Variants in PHACTR3 observed in about 807,000 individuals in gnomAD.
PHACTR3 encodes protein phosphatase 1, regulatory subunit 123.
In PHACTR3, 16 loss-of-function variants were observed where a neutral mutation model predicts 66.8. That is an observed-to-expected ratio of 0.24 (90% CI 0.16 to 0.36). The LOEUF (loss-of-function observed/expected upper bound fraction) is 0.36. Among genes scored for constraint, PHACTR3 ranks in the 10% least tolerant of loss-of-function variants. The probability of loss-of-function intolerance (pLI) is 1.00; values close to 1 mark genes in which losing one functional copy is unlikely to be tolerated. For synonymous variants in PHACTR3, 323 were observed against 292.1 expected, an observed-to-expected ratio of 1.11 and a Z score of -1.08; for missense variants, 647 against 719.9, an observed-to-expected ratio of 0.90 and a Z score of 1.16.
intron 4 of PHACTR3, among the ~76,000 whole-genome samples, chr20:59,759,979 C>T (rs1167313779): frequency 6.6e-6 from 1 of 152,134 alleles, no homozygotes; most frequent in Non-Finnish European, 1.5e-5. Context: ...GCAGGAGCCC[C>T]TGGGGTGTCT....
chr20:59,586,546 T>C (rs2033034904), intron 1 of PHACTR3, among the ~76,000 whole-genome samples: 1 of 152,210 alleles, frequency 6.6e-6, no homozygotes, highest in Non-Finnish European at 1.5e-5. Flanking sequence ...TACTGTTTGG[T>C]TAAACATTGG....
At chr20:59,703,009 C>T (rs1302051385) in intron 1 of PHACTR3, among the ~76,000 whole-genome samples, 1 of 152,172 alleles carries the variant, frequency 6.6e-6, no homozygotes, top group African/African-American at 2.4e-5. Flanking sequence ...CAAAGAGATC[C>T]TCTTTTAAAT....
intron 3 of PHACTR3, among the ~76,000 whole-genome samples, chr20:59,753,410 T>C (rs939318487): frequency 1.3e-5 from 2 of 152,152 alleles, no homozygotes; most frequent in African/African-American, 4.8e-5. Context: ...CTCAAATCTC[T>C]TCCAGGGTCC....
intron 1 of PHACTR3, among the ~76,000 whole-genome samples, chr20:59,710,267 C>A (rs1314656603): frequency 6.6e-6 from 1 of 152,166 alleles, no homozygotes; most frequent in African/African-American, 2.4e-5. Flanking sequence ...CTCATTTACT[C>A]ATCCCATTCT....
chr20:59,653,895 C>G (rs553558607), intron 1 of PHACTR3, among the ~76,000 whole-genome samples: 1 of 152,294 alleles, frequency 6.6e-6, no homozygotes, highest in African/African-American at 2.4e-5. Context: ...ACGCTTTCTA[C>G]ACCCAGATTT....
intron 1 of PHACTR3, among the ~76,000 whole-genome samples, chr20:59,671,558 C>A (rs553827692): frequency 2.0e-5 from 3 of 152,378 alleles, no homozygotes; most frequent in Admixed American, 2.0e-4. Context: ...ATTGAACCAA[C>A]ATTTAAATGT....
chr20:59,684,824 TGAAA>T (rs1298942476), intron 1 of PHACTR3, among the ~76,000 whole-genome samples: 1 of 152,204 alleles, frequency 6.6e-6, no homozygotes, highest in African/African-American at 2.4e-5. Flanking sequence ...GTTGTGAGGA[TGAAA>T]GAATCTGCTG....
chr20:59,808,137 G>A (rs2041624836), intron 8 of PHACTR3, among the ~76,000 whole-genome samples: 1 of 152,206 alleles, frequency 6.6e-6, no homozygotes, highest in African/African-American at 2.4e-5. Context: ...TGAGCCGGGT[G>A]GAGCTGACTT....
chr20:59,817,627 G>A (rs2041923228), intron 8 of PHACTR3, among the ~76,000 whole-genome samples: 1 of 152,244 alleles, frequency 6.6e-6, no homozygotes, highest in Non-Finnish European at 1.5e-5. Context: ...GGCCAGGCAG[G>A]GCTGTGGCAT....
intron 1 of PHACTR3, among the ~76,000 whole-genome samples, chr20:59,652,912 ATG>A (rs574491868): frequency 3.5e-4 from 54 of 152,210 alleles, no homozygotes; most frequent in African/African-American, 1.3e-3. Context: ...GTGCATTTTC[ATG>A]TGTGTGTGTA....
At chr20:59,613,613 G>A (rs2033931682) in intron 1 of PHACTR3, among the ~76,000 whole-genome samples, 2 of 152,204 alleles carry the variant, frequency 1.3e-5, no homozygotes, top group African/African-American at 4.8e-5. Context: ...GAAGGGGAGG[G>A]TGAGAATGAC....
At chr20:59,606,459 T>TA (rs1215066698) in intron 1 of PHACTR3, among the ~76,000 whole-genome samples, 5 of 152,124 alleles carry the variant, frequency 3.3e-5, no homozygotes, top group Admixed American at 2.6e-4. Context: ...TTAATTTCCT[T>TA]AGAGTTTCAA....
At chr20:59,831,919 T>G (rs1328827487) in intron 8 of PHACTR3, among the ~76,000 whole-genome samples, 3 of 152,196 alleles carry the variant, frequency 2.0e-5, no homozygotes, top group South Asian at 2.1e-4. Flanking sequence ...TTCCTGGCCA[T>G]GGTTCTGCCT....
At position 59,791,178 on chromosome 20, in the gene PHACTR3, C is replaced by T. The variant is rs373181649; in HGVS notation, c.1175-14863C>T. On this transcript the variant is annotated intron_variant, in intron 7 of 12. Coordinates refer to ENST00000371015, the MANE Select transcript of PHACTR3 (RefSeq NM_080672.5). ...AAAGGTGATTGGGCCATGAGAGCTC[C>T]GCCATCATGGATGGGATTAATGCTG... is the stretch of plus-strand genomic sequence containing the variant. Among the ~76,000 whole-genome samples the T allele has an allele frequency of 2.6e-4, 40 of 152,226 alleles. No individual in the cohort carries two copies. In the South Asian group the frequency reaches 8.1e-3, roughly 31 times the overall value.
chr20:59,622,885 G>A (rs1384321331), intron 1 of PHACTR3, among the ~76,000 whole-genome samples: 4 of 149,330 alleles, frequency 2.7e-5, no homozygotes, highest in African/African-American at 1.0e-4. Flanking sequence ...GGCTTATCCT[G>A]TTGGAGCAAA....
intron 7 of PHACTR3, among the ~76,000 whole-genome samples, chr20:59,802,000 C>T (rs2146985767): frequency 6.6e-6 from 1 of 152,270 alleles, no homozygotes; most frequent in East Asian, 1.9e-4. Flanking sequence ...TGAGCAGAGC[C>T]ACGAATGTCA....
At chr20:59,626,446 T>G (rs1274440261) in intron 1 of PHACTR3, 2 of 152,288 alleles carry the variant, frequency 1.3e-5, no homozygotes, top group Non-Finnish European at 2.9e-5. Context: ...AGGGCATCTG[T>G]GCAGAGACCA....
intron 8 of PHACTR3, among the ~76,000 whole-genome samples, chr20:59,811,493 T>A (rs1176459186): frequency 6.6e-6 from 1 of 152,178 alleles, no homozygotes; most frequent in Non-Finnish European, 1.5e-5. Flanking sequence ...ACCTCGTCTC[T>A]ACTGAAAATA....
intron 1 of PHACTR3, among the ~76,000 whole-genome samples, chr20:59,588,671 C>T (rs937668233): frequency 1.1e-4 from 17 of 152,356 alleles, no homozygotes; most frequent in African/African-American, 3.8e-4. Context: ...GCTTCTCAGC[C>T]CCTCCAGCTG....
Sources: allele counts gnomAD v4.1 joint callset (sites outside exome capture counted in the v4.1 genomes callset), GRCh38; gene constraint gnomAD v4.1.1; transcripts MANE v1.5; gene names NCBI Gene and HGNC (gene_info 2026-07-23, HGNC 2026-07-21).